Variants in HS3ST2 observed in about 807,000 individuals in gnomAD.
HS3ST2 encodes heparan sulfate-glucosamine 3-sulfotransferase 2, also known as heparan sulfate glucosamine 3-O-sulfotransferase 2.
In HS3ST2, 17 loss-of-function variants were observed where a neutral mutation model predicts 26.3. The ratio of observed to expected loss-of-function variants is 0.65; its 90% CI spans 0.44 to 0.97. The LOEUF (loss-of-function observed/expected upper bound fraction) is 0.97, where lower values mean the gene tolerates loss of function less well. Among genes scored for constraint, HS3ST2 ranks in the 50% least tolerant of loss-of-function variants. HS3ST2 has a pLI of 0.00. For synonymous variants in HS3ST2, 237 were observed against 219.2 expected, an observed-to-expected ratio of 1.08 and a Z score of -0.72; for missense variants, 402 against 501.2, an observed-to-expected ratio of 0.80 and a Z score of 1.89.
intron 1 of HS3ST2, among the ~76,000 whole-genome samples, chr16:22,859,047 T>C (rs1188142854): frequency 6.6e-6 from 1 of 152,154 alleles, no homozygotes; most frequent in African/African-American, 2.4e-5. Flanking sequence ...ATGCCTGTAG[T>C]CCCAGCTACT....
chr16:22,860,974 G>C (rs568057633), intron 1 of HS3ST2, among the ~76,000 whole-genome samples: 1 of 152,024 alleles, frequency 6.6e-6, no homozygotes, highest in East Asian at 1.9e-4. Context: ...CTGGGCTCAA[G>C]CAATCTTCCT....
intron 1 of HS3ST2, among the ~76,000 whole-genome samples, chr16:22,864,691 C>A (rs976716651): frequency 6.6e-6 from 1 of 151,952 alleles, no homozygotes; most frequent in Non-Finnish European, 1.5e-5. Context: ...AGGAAGAAGG[C>A]CCTCAAGACA....
At chr16:22,842,719 T>A (rs942031727) in intron 1 of HS3ST2, among the ~76,000 whole-genome samples, 5 of 152,218 alleles carry the variant, frequency 3.3e-5, no homozygotes, top group African/African-American at 1.2e-4. Flanking sequence ...GTTAGACACA[T>A]GTTACACCTT....
intron 1 of HS3ST2, among the ~76,000 whole-genome samples, chr16:22,883,360 A>G (rs1399912076): frequency 1.3e-5 from 2 of 152,264 alleles, no homozygotes; most frequent in Non-Finnish European, 2.9e-5. Flanking sequence ...CAAGGAAACT[A>G]AAAAACAGGT....
At chr16:22,902,741 G>C (rs982436019) in intron 1 of HS3ST2, among the ~76,000 whole-genome samples, 1 of 152,082 alleles carries the variant, frequency 6.6e-6, no homozygotes, top group Non-Finnish European at 1.5e-5. Context: ...CAGCCTTACA[G>C]GTGAATAATA....
chr16:22,888,518 C>G (rs1317025768), intron 1 of HS3ST2, among the ~76,000 whole-genome samples: 3 of 151,864 alleles, frequency 2.0e-5, no homozygotes, highest in African/African-American at 7.3e-5. Flanking sequence ...TCCTGAGTAG[C>G]TGAGATTACA....
intron 1 of HS3ST2, among the ~76,000 whole-genome samples, chr16:22,841,996 T>G (rs2141182333): frequency 6.6e-6 from 1 of 152,178 alleles, no homozygotes; most frequent in Non-Finnish European, 1.5e-5. Context: ...TGTCTTTTTT[T>G]TTCTCTGGTT....
chr16:22,888,383 T>TC (rs1902090265), intron 1 of HS3ST2, among the ~76,000 whole-genome samples: 2 of 102,476 alleles, frequency 2.0e-5, no homozygotes, highest in Non-Finnish European at 3.8e-5. Context: ...CTTTTTTTTT[T>TC]TTTTTTTTTC....
chr16:22,827,716 T>TC (rs1901110166), intron 1 of HS3ST2, among the ~76,000 whole-genome samples: 1 of 148,026 alleles, frequency 6.8e-6, no homozygotes, highest in Non-Finnish European at 1.5e-5. Flanking sequence ...CTTTCTTTTT[T>TC]TTTTTTTTTT....
intron 1 of HS3ST2, among the ~76,000 whole-genome samples, chr16:22,832,758 G>A (rs1901192738): frequency 6.6e-6 from 1 of 151,144 alleles, no homozygotes; most frequent in African/African-American, 2.4e-5. Flanking sequence ...GGAAAGATGG[G>A]CCATGAGCCA....
At chr16:22,908,144 C>T (rs568043152) in intron 1 of HS3ST2, among the ~76,000 whole-genome samples, 2 of 152,026 alleles carry the variant, frequency 1.3e-5, no homozygotes, top group Non-Finnish European at 2.9e-5. Flanking sequence ...CAAACACAAA[C>T]CAGCATGAGA....
At chr16:22,861,886 C>G (rs1901679388) in intron 1 of HS3ST2, among the ~76,000 whole-genome samples, 1 of 152,152 alleles carries the variant, frequency 6.6e-6, no homozygotes, top group Non-Finnish European at 1.5e-5. Flanking sequence ...GAGCTCTGCT[C>G]CCCAGTCTCA....
chr16:22,875,167 TA>T (rs1257294291), intron 1 of HS3ST2, among the ~76,000 whole-genome samples: 3 of 151,844 alleles, frequency 2.0e-5, no homozygotes, highest in Non-Finnish European at 2.9e-5. Flanking sequence ...AAAATAAAAT[TA>T]AAAAAATTAA....
rs549083007 is a variant in HS3ST2, at chr16:22,901,374, G to A, written c.486-13570G>A. Among the ~76,000 whole-genome samples the A allele has an allele frequency of 3.3e-5, 5 of 152,296 alleles. No homozygotes were observed. In the East Asian group the frequency reaches 9.6e-4, roughly 29 times the overall value. The stretch of plus-strand genomic sequence containing the variant: ...GGGTGGCCCAAGGAGCAGCAAGTCG[G>A]CCTCACTGTGGAGCCTGCTAAAAAT... On this transcript the variant is annotated intron_variant, in intron 1 of 1. Transcript: ENST00000261374.
At chr16:22,829,682 T>A (rs1300419235) in intron 1 of HS3ST2, among the ~76,000 whole-genome samples, 1 of 152,200 alleles carries the variant, frequency 6.6e-6, no homozygotes, top group Non-Finnish European at 1.5e-5. Flanking sequence ...TGGCTTCTAA[T>A]CCTGCTTCTG....
chr16:22,914,842 G>A (rs1902471751), intron 1 of HS3ST2, 102 bp from the exon 2 acceptor site: 3 of 1,168,134 alleles, frequency 2.6e-6, no homozygotes, highest in South Asian at 3.0e-5. Flanking sequence ...GAGGCCAGGA[G>A]GAGGATGCAA....
intron 1 of HS3ST2, among the ~76,000 whole-genome samples, chr16:22,838,946 C>G (rs942881874): frequency 6.6e-6 from 1 of 152,126 alleles, no homozygotes; most frequent in African/African-American, 2.4e-5. Context: ...ACACTGAACC[C>G]CACACTTCCC....
intron 1 of HS3ST2, among the ~76,000 whole-genome samples, chr16:22,878,546 A>G (rs1369516588): frequency 6.6e-6 from 1 of 152,170 alleles, no homozygotes; most frequent in African/African-American, 2.4e-5. Flanking sequence ...TGACCACCCA[A>G]AAGCATCCTC....
chr16:22,895,143 G>T (rs1485730539), intron 1 of HS3ST2, among the ~76,000 whole-genome samples: 2 of 150,424 alleles, frequency 1.3e-5, no homozygotes, highest in Non-Finnish European at 2.9e-5. Context: ...AGACTGGAGT[G>T]CAGTGGCATG....
Sources: allele counts gnomAD v4.1 joint callset (sites outside exome capture counted in the v4.1 genomes callset), GRCh38; gene constraint gnomAD v4.1.1; transcripts MANE v1.5; gene names NCBI Gene and HGNC (gene_info 2026-07-23, HGNC 2026-07-21).